RANBP2: variants seen among roughly 807,000 people sequenced by gnomAD.
RANBP2 encodes RAN binding protein 2, also known as E3 SUMO-protein ligase RanBP2.
Under a neutral mutation model 303.6 loss-of-function variants are expected in RANBP2, and 57 were observed. That is an observed-to-expected ratio of 0.19 (90% confidence interval 0.15 to 0.23). The LOEUF is 0.23. Ranked by LOEUF, RANBP2 falls within the 10% of genes least tolerant of loss-of-function variation. The probability of loss-of-function intolerance (pLI) is 1.00; values close to 1 mark genes in which losing one functional copy is unlikely to be tolerated. For synonymous variants in RANBP2, 1,167 were observed against 1,301.5 expected (o/e 0.90, Z 2.23); for missense variants, 3,138 against 3,780.8 (o/e 0.83, Z 4.46).
chr2:109,214,200 C>G, the RANBP2 span, among the ~76,000 whole-genome samples: 1 of 152,126 alleles, frequency 6.6e-6, no homozygotes, highest in African/African-American at 2.4e-5. Context: ...CTGGAAGTGA[C>G]TGGAAATAAA....
the RANBP2 span, among the ~76,000 whole-genome samples, chr2:109,349,338 G>C: frequency 2.0e-5 from 3 of 152,128 alleles, no homozygotes; most frequent in Non-Finnish European, 4.4e-5. Flanking sequence ...TTTTATCAAG[G>C]TGTTCTGATG....
the RANBP2 span, among the ~76,000 whole-genome samples, chr2:109,340,095 G>C: frequency 6.6e-6 from 1 of 152,168 alleles, no homozygotes; most frequent in South Asian, 2.1e-4. Context: ...AGTGTCTGGT[G>C]GGGAGTAGCA....
chr2:109,091,167 C>T, the RANBP2 span, among the ~76,000 whole-genome samples: 1 of 152,018 alleles, frequency 6.6e-6, no homozygotes, highest in East Asian at 1.9e-4. Context: ...GAGTTTGAGG[C>T]TACAGTGAGC....
the RANBP2 span, among the ~76,000 whole-genome samples, chr2:108,889,813 G>T: frequency 6.6e-6 from 1 of 151,986 alleles, no homozygotes. Flanking sequence ...AGGTTTTGTT[G>T]TCTTTTCTGG....
At chr2:108,905,049 A>G in the RANBP2 span, among the ~76,000 whole-genome samples, 1 of 152,074 alleles carries the variant, frequency 6.6e-6, no homozygotes, top group Non-Finnish European at 1.5e-5. Context: ...AATTAAAGAC[A>G]AAACAAAACA....
At chr2:109,670,702 C>G in the RANBP2 span, among the ~76,000 whole-genome samples, 3 of 152,178 alleles carry the variant, frequency 2.0e-5, no homozygotes, top group Admixed American at 1.3e-4. Flanking sequence ...GGCAGGGCCC[C>G]CACACCTGCT....
At chr2:108,837,074 G>A in the RANBP2 span, among the ~76,000 whole-genome samples, 2 of 152,104 alleles carry the variant, frequency 1.3e-5, no homozygotes, top group Non-Finnish European at 2.9e-5. Context: ...TCACTGGCTG[G>A]TACTATAGTG....
At chr2:109,376,706 T>C in the RANBP2 span, among the ~76,000 whole-genome samples, 16 of 152,192 alleles carry the variant, frequency 1.1e-4, no homozygotes. Flanking sequence ...TATTCAGAAA[T>C]TGGCTGCTCC....
the RANBP2 span, among the ~76,000 whole-genome samples, chr2:109,416,977 A>G: frequency 2.0e-5 from 3 of 151,818 alleles, no homozygotes; most frequent in African/African-American, 7.3e-5. Flanking sequence ...ACACAGTCAC[A>G]GGCCATGGTG....
chr2:109,693,313 C>T, the RANBP2 span, among the ~76,000 whole-genome samples: 2 of 152,114 alleles, frequency 1.3e-5, no homozygotes, highest in African/African-American at 4.8e-5. Context: ...GCTGGGATTG[C>T]AAGTGTGTGC....
chr2:109,025,848 A>G, the RANBP2 span, among the ~76,000 whole-genome samples: 4 of 140,278 alleles, frequency 2.9e-5, no homozygotes, highest in African/African-American at 6.5e-5. Context: ...AGAGCTTCAC[A>G]TAGAGATTCT....
chr2:109,085,546 G>A, the RANBP2 span, among the ~76,000 whole-genome samples: 20 of 149,130 alleles, frequency 1.3e-4, no homozygotes, highest in African/African-American at 3.7e-4. Context: ...CTCGTGATCC[G>A]CCTGCCTCAG....
At chr2:109,684,245 C>CCTTTTTTTTTT in the RANBP2 span, among the ~76,000 whole-genome samples, 1 of 87,154 alleles carries the variant, frequency 1.1e-5, no homozygotes, top group Non-Finnish European at 2.2e-5. Flanking sequence ...CCCGGTCTTA[C>CCTTTTTTTTTT]TTTTTTTTTT....
the RANBP2 span, among the ~76,000 whole-genome samples, chr2:108,807,594 T>C: frequency 1.3e-5 from 2 of 152,184 alleles, no homozygotes; most frequent in African/African-American, 4.8e-5. Flanking sequence ...CTAGAACTTA[T>C]TCCTCTTATC....
chr2:109,222,718 T>C, the RANBP2 span, among the ~76,000 whole-genome samples: 1 of 152,228 alleles, frequency 6.6e-6, no homozygotes, highest in Non-Finnish European at 1.5e-5. Context: ...TGGCGTGGGC[T>C]CCTTTCTTCT....
the RANBP2 span, chr2:108,910,654 C>T: frequency 6.1e-5 from 87 of 1,418,310 alleles, no homozygotes; most frequent in Middle Eastern, 3.8e-4. Flanking sequence ...CACCACCCCA[C>T]GGTAAGCACA....
At chr2:108,744,972 A>G (rs1232588030) in intron 7 of RANBP2, among the ~76,000 whole-genome samples, 2 of 152,084 alleles carry the variant, frequency 1.3e-5, no homozygotes, top group Admixed American at 6.6e-5. Context: ...CATTAACTGT[A>G]TCTTGGAGAT....
At chr2:109,164,873 T>C in the RANBP2 span, among the ~76,000 whole-genome samples, 2 of 152,176 alleles carry the variant, frequency 1.3e-5, no homozygotes, top group South Asian at 2.1e-4. Flanking sequence ...GCAAGTTCCT[T>C]TAGGGTTTCA....
chr2:109,024,511 G>A, the RANBP2 span, among the ~76,000 whole-genome samples: 1 of 152,198 alleles, frequency 6.6e-6, no homozygotes, highest in Non-Finnish European at 1.5e-5. Context: ...GAAAATTACA[G>A]CAGTGAGGGG....
Sources: allele counts gnomAD v4.1 joint callset (sites outside exome capture counted in the v4.1 genomes callset), GRCh38; gene constraint gnomAD v4.1.1; transcripts MANE v1.5; gene names NCBI Gene and HGNC (gene_info 2026-07-23, HGNC 2026-07-21).